The following DUSP10 variants were observed in gnomAD, a reference collection of about 807,000 sequenced individuals.
DUSP10 encodes dual specificity phosphatase 10.
In DUSP10, 14 loss-of-function variants were observed where a neutral mutation model predicts 30.8. The ratio of observed to expected loss-of-function variants is 0.46; its 90% CI spans 0.30 to 0.71. The LOEUF is 0.71. DUSP10 is among the 30% of genes least tolerant of loss of function. The pLI is 0.08. For synonymous variants in DUSP10, 254 were observed against 250.4 expected, an observed-to-expected ratio of 1.01 and a Z score of -0.14; for missense variants, 550 against 619.4, an observed-to-expected ratio of 0.89 and a Z score of 1.19.
At chr1:221,741,537 A>G (rs948222636) in intron 1 of DUSP10, among the ~76,000 whole-genome samples, 1 of 152,142 alleles carries the variant, frequency 6.6e-6, no homozygotes, top group Non-Finnish European at 1.5e-5. Context: ...ATACTGAGCT[A>G]TCCCCTCTCC....
In DUSP10 at chr1:221,706,589, G is replaced by A. The variant is rs1660769727; in HGVS notation, c.812-123C>T. ...ATATTTTAAATACATATATAAATAT[G>A]TATTTAAGCAAAAAAAATAAAAATA... is the stretch of plus-strand genomic sequence containing the variant. On this transcript the variant is annotated intron_variant, in intron 2 of 3. Coordinates refer to ENST00000366899, the MANE Select transcript of DUSP10 (RefSeq NM_007207.6). The surrounding 1 kb of genome is among the most constrained non-coding windows in gnomAD (Gnocchi z 4.6). 1 of 607,974 alleles carries A rather than the reference G, an allele frequency of 1.6e-6. No homozygotes were observed. Among genetic ancestry groups the A allele is most frequent in the African/African-American group, 1.9e-5 (1 of 51,760 alleles). The allele number at this position is 607,974 out of a possible 1,614,324, so 37.7% of individuals were successfully genotyped here. A position where few individuals can be genotyped will look rare whatever the true frequency, so the allele number is the denominator to read the frequency against.
At chr1:221,705,267 G>A (rs1242147797) in intron 3 of DUSP10, among the ~76,000 whole-genome samples, 4 of 151,938 alleles carry the variant, frequency 2.6e-5, no homozygotes, top group African/African-American at 7.3e-5. Flanking sequence ...GCACCACCAC[G>A]CCTGGCTAAT....
chr1:221,717,439 G>A (rs1456531618), intron 2 of DUSP10, among the ~76,000 whole-genome samples: 1 of 142,240 alleles, frequency 7.0e-6, no homozygotes, highest in Non-Finnish European at 1.5e-5. Flanking sequence ...AAAGAAAAGA[G>A]GGGGGAGGGG....
chr1:221,721,024 C>A (rs1047044641), intron 2 of DUSP10, among the ~76,000 whole-genome samples: 6 of 152,228 alleles, frequency 3.9e-5, no homozygotes, highest in African/African-American at 1.4e-4. Flanking sequence ...GTCTCCACAA[C>A]TTTCCAGTAT....
intron 2 of DUSP10, among the ~76,000 whole-genome samples, chr1:221,732,866 G>A (rs1484215376): frequency 1.3e-5 from 2 of 152,200 alleles, no homozygotes; most frequent in Non-Finnish European, 2.9e-5. Context: ...ACCTTCAGGT[G>A]ATACCAATGA....
At chr1:221,712,241 C>T (rs1660957863) in intron 2 of DUSP10, among the ~76,000 whole-genome samples, 1 of 152,036 alleles carries the variant, frequency 6.6e-6, no homozygotes, top group South Asian at 2.1e-4. Context: ...GGATCTTGCC[C>T]CCAGGGAACT....
intron 2 of DUSP10, among the ~76,000 whole-genome samples, chr1:221,719,595 G>A (rs1190748561): frequency 3.3e-5 from 5 of 152,214 alleles, no homozygotes; most frequent in Non-Finnish European, 5.9e-5. Context: ...TGTCAACATG[G>A]ACTTGAGGCT....
chr1:221,722,502 G>T (rs1349046530), intron 2 of DUSP10, among the ~76,000 whole-genome samples: 2 of 152,204 alleles, frequency 1.3e-5, no homozygotes, highest in Non-Finnish European at 2.9e-5. Context: ...GGTGGCAGAT[G>T]AAAAGTGCCC....
rs151282625 is a variant in DUSP10 at position 221,714,422 on chromosome 1, G to A, written c.812-7956C>T. On this transcript the variant is annotated intron_variant, in intron 2 of 3. Transcript: ENST00000366899. Reference sequence around the variant, plus strand: ...ATGCCAGCAGGAAAGAATTACCTGCGACTAGACATGTTCAAAATGGCGGCT... The same window carrying A: ...ATGCCAGCAGGAAAGAATTACCTGCAACTAGACATGTTCAAAATGGCGGCT... 1.1e-3 allele frequency among the ~76,000 whole-genome samples: 175 copies of A among 152,262 alleles called. 1 individual carries two copies. The highest frequency in any genetic ancestry group is 3.9e-3 in the African/African-American group (161 of 41,556).
At chr1:221,704,694 A>T (rs954906899) in intron 3 of DUSP10, among the ~76,000 whole-genome samples, 1 of 152,104 alleles carries the variant, frequency 6.6e-6, no homozygotes, top group Non-Finnish European at 1.5e-5. Flanking sequence ...GGAGTCAAAA[A>T]CCCTGGATTC....
intron 3 of DUSP10, among the ~76,000 whole-genome samples, chr1:221,704,600 C>A (rs1660703107): frequency 6.6e-6 from 1 of 152,338 alleles, no homozygotes; most frequent in South Asian, 2.1e-4. Flanking sequence ...AGTATCTCTG[C>A]ATCCTCAGTG....
chr1:221,738,026 A>C (rs1661832012), intron 2 of DUSP10, among the ~76,000 whole-genome samples: 1 of 152,194 alleles, frequency 6.6e-6, no homozygotes, highest in African/African-American at 2.4e-5. Flanking sequence ...AATGAGAGTG[A>C]TGTACAGTGC....
At chr1:221,741,820 C>T (rs1011799954) in intron 1 of DUSP10, among the ~76,000 whole-genome samples, 161 bp downstream of exon 1, 5 of 152,108 alleles carry the variant, frequency 3.3e-5, no homozygotes, top group African/African-American at 1.2e-4. Flanking sequence ...GTAGCTCCTC[C>T]GTCAGCATCG....
At chr1:221,726,242 T>G (rs1176233897) in intron 2 of DUSP10, among the ~76,000 whole-genome samples, 1 of 152,204 alleles carries the variant, frequency 6.6e-6, no homozygotes. Context: ...TACCCATTTC[T>G]CTAAATGGGG....
rs573309994 is a variant in DUSP10 at position 221,703,972 on chromosome 1, T to C, written c.1184-1295A>G. The stretch of plus-strand genomic sequence containing the variant: ...TAAGCATCTCTCTTTTTCAACTTTT[T>C]CCCTTCAGCACACGGTATTTAGCTC... On this transcript the variant is annotated intron_variant, in intron 3 of 3. Transcript: ENST00000366899. Among the ~76,000 whole-genome samples, 764 of 152,302 alleles carry C rather than the reference T, an allele frequency of 5.0e-3. 17 individuals carry two copies. Among genetic ancestry groups the C allele is most frequent in the Non-Finnish European group, 4.7e-3 (318 of 68,030 alleles).
At chr1:221,723,235 T>C (rs1041804843) in intron 2 of DUSP10, among the ~76,000 whole-genome samples, 2 of 152,154 alleles carry the variant, frequency 1.3e-5, no homozygotes, top group Non-Finnish European at 2.9e-5. Flanking sequence ...TCCCAACTGA[T>C]CCTAGTGGTC....
chr1:221,739,486 C>T lies in DUSP10; in HGVS notation c.259G>A (p.Asp87Asn), dbSNP rs775254813. Residue 87 changes from aspartate (D) to asparagine (N), a missense_variant, in exon 2 of 4, where the codon GAC (aspartate) becomes AAC (asparagine). Transcript: ENST00000366899. ...SASCCTVATY[D>N]KDNQAQTQAI... ...TGGGTTTGGGCCTGATTGTCCTTGT[C>T]GTAGGTTGCCACAGTGCAGCAGCTG... 3.9e-5 allele frequency: 63 copies of T among 1,613,956 alleles called. No individual in the cohort carries two copies. The Admixed American group carries it at 4.0e-4, about 10-fold the overall frequency.
chr1:221,714,751 C>T (rs1202832443), intron 2 of DUSP10, among the ~76,000 whole-genome samples: 1 of 152,136 alleles, frequency 6.6e-6, no homozygotes, highest in African/African-American at 2.4e-5. Flanking sequence ...CCTATTAAAC[C>T]TCTGCTTCTA....
rs1207990202 is a variant in DUSP10 at position 221,701,599 on chromosome 1, A to T, written c.*813T>A. ...CAGAATCAAATCAGAAAAAAAAAAA[A>T]AAAAGGAAAAAGGTGGGAAGGAAAG... On this transcript the variant is annotated 3_prime_UTR_variant, in exon 4 of 4. Transcript: ENST00000366899. 6.6e-6 allele frequency: 1 copy of T among 152,062 alleles called. No individual in the cohort carries two copies. Among genetic ancestry groups the T allele is most frequent in the Admixed American group, 6.6e-5 (1 of 15,240 alleles). 9.4% of individuals were successfully genotyped at this position (152,062 alleles called of 1,614,324 possible).
Sources: allele counts gnomAD v4.1 joint callset (sites outside exome capture counted in the v4.1 genomes callset), GRCh38; gene constraint gnomAD v4.1.1; non-coding constraint Gnocchi (gnomAD v3.1); transcripts MANE v1.5; gene names NCBI Gene and HGNC (gene_info 2026-07-23, HGNC 2026-07-21).